Variants in POLR3G observed in about 807,000 individuals in gnomAD.
POLR3G encodes the protein DNA-directed RNA polymerase III subunit RPC7.
In POLR3G, 28 loss-of-function variants were observed where a neutral mutation model predicts 30.1. The observed-to-expected ratio is 0.93, with a 90% CI of 0.69 to 1.27. The LOEUF is 1.27. Among genes scored for constraint, POLR3G ranks in the 50% most tolerant of loss-of-function variants. POLR3G has a pLI of 0.00. For missense variants in POLR3G, 254 were observed against 264.6 expected (o/e 0.96, Z 0.28); for synonymous variants, 79 against 82.5 (o/e 0.96, Z 0.23).
At chr5:90,488,185 T>G in intron 3 of POLR3G, 56 bp downstream of exon 3, 1 of 1,367,502 alleles carries the variant, frequency 7.3e-7, no homozygotes, top group South Asian at 2.1e-5. Context: ...GAAACAGTGT[T>G]TAAGCACAAG....
chr5:90,495,946 A>AAT (rs915272854), intron 4 of POLR3G, among the ~76,000 whole-genome samples: 12 of 150,842 alleles, frequency 8.0e-5, no homozygotes, highest in African/African-American at 1.5e-4. Context: ...AAGTTCTTAA[A>AAT]ATATATATAT....
rs1462378261 is a variant in POLR3G, at chr5:90,501,972, T to C, written c.422T>C (p.Val141Ala). 3.7e-6 allele frequency: 6 copies of C among 1,612,530 alleles called. No homozygotes were observed. The highest frequency in any genetic ancestry group is 5.1e-6 in the Non-Finnish European group (6 of 1,179,222). The change falls in exon 6 of 8, where the codon GTG (valine) becomes GCG (alanine). Residue 141 changes from valine (V) to alanine (A), a missense_variant. Val to Ala is a moderately conservative substitution (Grantham distance 64). Coordinates refer to ENST00000651687, the MANE Select transcript of POLR3G (RefSeq NM_006467.3). ...KGTPLTNTEDVLKKMEELEKR... is the reference protein window; with the variant it reads ...KGTPLTNTEDALKKMEELEKR... Reference sequence around the variant, plus strand: ...ACACCACTCACTAATACTGAAGATGTGTTGAAAAAAATGGAGGTAAGGTTT... The same window carrying C: ...ACACCACTCACTAATACTGAAGATGCGTTGAAAAAAATGGAGGTAAGGTTT...
rs369052283 is a variant in POLR3G at position 90,512,101 on chromosome 5, G to A, written c.634G>A (p.Ala212Thr). ...CTTTGAAGATGGAGATGATTTTGGC[G>A]CAGACAGTGATGACAACATGGATGA... ...SYFEDGDDFGADSDDNMDEAT... is the reference protein window; with the variant it reads ...SYFEDGDDFGTDSDDNMDEAT... Residue 212 changes from alanine to threonine, a missense_variant, in exon 8 of 8, where the codon GCA (alanine) becomes ACA (threonine). By Grantham distance (58) the Ala-to-Thr change is moderately conservative (BLOSUM62 0). Coordinates refer to ENST00000651687, the MANE Select transcript of POLR3G (RefSeq NM_006467.3). 37 of 1,609,554 alleles carry A rather than the reference G, an allele frequency of 2.3e-5. No individual in the cohort carries two copies. Among genetic ancestry groups the A allele is most frequent in the African/African-American group, 5.3e-5 (4 of 74,914 alleles).
At chr5:90,474,456 G>C (rs941881676), upstream of POLR3G, 16 of 655,244 alleles carry the variant, frequency 2.4e-5, no homozygotes, top group Non-Finnish European at 4.2e-5. Context: ...AATAGGAGGA[G>C]GAAGGACGCA....
At position 90,486,239 on chromosome 5, in the gene POLR3G, T is replaced by C. The variant is rs966217502; in HGVS notation, c.117+555T>C. On this transcript the variant is annotated intron_variant, in intron 2 of 7. Transcript: ENST00000651687. ...TAGAATGTATCCAGGGATCTAGATGTATCACACAAGGAGTCTCTGCGTTTT... is the reference window on the plus strand; with the variant it reads ...TAGAATGTATCCAGGGATCTAGATGCATCACACAAGGAGTCTCTGCGTTTT... 7.2e-5 allele frequency among the ~76,000 whole-genome samples: 11 copies of C among 152,348 alleles called. 1 individual carries two copies. Among genetic ancestry groups the C allele is most frequent in the African/African-American group, 2.6e-4 (11 of 41,584 alleles).
At chr5:90,501,526 AGT>A (rs1434681096) in intron 5 of POLR3G, among the ~76,000 whole-genome samples, 1 of 152,226 alleles carries the variant, frequency 6.6e-6, no homozygotes, top group African/African-American at 2.4e-5. Context: ...TACACTTACC[AGT>A]GAAGGAGAAG....
chr5:90,491,531 G>GTT (rs548951758), intron 3 of POLR3G, among the ~76,000 whole-genome samples: 4 of 139,990 alleles, frequency 2.9e-5, no homozygotes, highest in Admixed American at 7.1e-5. Context: ...AATTTTTGAC[G>GTT]TTTTTTTTTT....
At chr5:90,504,349 A>G (rs1752388724) in intron 6 of POLR3G, among the ~76,000 whole-genome samples, 1 of 150,370 alleles carries the variant, frequency 6.7e-6, no homozygotes, top group African/African-American at 2.5e-5. Flanking sequence ...TCATGAGGTC[A>G]GGAGATCGAG....
chr5:90,499,933 C>T (rs976216787), intron 5 of POLR3G, among the ~76,000 whole-genome samples: 4 of 152,020 alleles, frequency 2.6e-5, no homozygotes, highest in Non-Finnish European at 5.9e-5. Flanking sequence ...TAATAAAATA[C>T]ATGTGCATGA....
At chr5:90,488,498 T>C (rs1751563122) in intron 3 of POLR3G, among the ~76,000 whole-genome samples, 1 of 152,152 alleles carries the variant, frequency 6.6e-6, no homozygotes, top group Admixed American at 6.5e-5. Context: ...CATTACTTTG[T>C]ATCTTCCTTT....
chr5:90,490,443 G>A (rs899083714), intron 3 of POLR3G: 2 of 171,308 alleles, frequency 1.2e-5, no homozygotes, highest in Admixed American at 6.0e-5. Context: ...TGTCACCCAG[G>A]CTGGAGTGCA....
intron 2 of POLR3G, 37 bp from the exon 3 acceptor site, chr5:90,487,963 T>C: frequency 6.7e-7 from 1 of 1,493,392 alleles, no homozygotes; most frequent in South Asian, 1.4e-5. Context: ...AATACATAAT[T>C]GATTTGAAAA....
chr5:90,476,665 C>T (rs1450311032), intron 1 of POLR3G, among the ~76,000 whole-genome samples: 8 of 152,168 alleles, frequency 5.3e-5, no homozygotes, highest in Admixed American at 5.2e-4. Context: ...GCTAGGCTTT[C>T]GTTAGTAATG....
chr5:90,477,186 A>G (rs956565995), intron 1 of POLR3G, among the ~76,000 whole-genome samples: 32 of 152,196 alleles, frequency 2.1e-4, no homozygotes, highest in Non-Finnish European at 1.2e-4. Flanking sequence ...AGAAATTGTC[A>G]TGGAGAAAGT....
intron 1 of POLR3G, among the ~76,000 whole-genome samples, chr5:90,482,022 G>A (rs1051052840): frequency 3.2e-4 from 48 of 152,148 alleles, no homozygotes; most frequent in Non-Finnish European, 3.7e-4. Flanking sequence ...GTGCATGTAA[G>A]TATAGTAAAT....
Position 90,497,508 on chromosome 5 carries a change from A to T in POLR3G, c.305-148A>T. ...TCTGTAATATTTGGATTTGGTTTTT[A>T]TATGTTTCAAGCTAAATTTGTAAAG... On this transcript the variant is annotated intron_variant, in intron 4 of 7. Coordinates refer to ENST00000651687, the MANE Select transcript of POLR3G (RefSeq NM_006467.3). 1 of 859,644 alleles carries T rather than the reference A, an allele frequency of 1.2e-6. No individual in the cohort carries two copies. Among genetic ancestry groups the T allele is most frequent in the Non-Finnish European group, 1.7e-6 (1 of 599,950 alleles). The allele number at this position is 859,644 out of a possible 1,614,324, so 53.3% of individuals were successfully genotyped here.
At chr5:90,504,728 C>T (rs2151913684) in intron 6 of POLR3G, among the ~76,000 whole-genome samples, 1 of 152,158 alleles carries the variant, frequency 6.6e-6, no homozygotes, top group East Asian at 1.9e-4. Context: ...GGTTGCAGGT[C>T]TTTTTACTGT....
Position 90,506,668 on chromosome 5 carries a change from A to G in POLR3G, c.579A>G (p.Gln193=). The change falls in exon 7 of 8, where the codon CAA becomes CAG. Residue 193 remains glutamine, a synonymous_variant. Transcript: ENST00000651687. The stretch of plus-strand genomic sequence containing the variant: ...AGGAGGAATATGATGAAGAAGAGCA[A>G]GAAGAGGTAATGGTTCATTTGGGGA... ...AEQEEYDEEE[Q]EEENDYINSY... 6.2e-7 allele frequency: 1 copy of G among 1,606,170 alleles called. No homozygotes were observed. The highest frequency in any genetic ancestry group is 8.5e-7 in the Non-Finnish European group (1 of 1,176,582).
At chr5:90,500,201 T>C (rs1396638464) in intron 5 of POLR3G, among the ~76,000 whole-genome samples, 1 of 152,174 alleles carries the variant, frequency 6.6e-6, no homozygotes, top group Non-Finnish European at 1.5e-5. Context: ...CTGATAAGCT[T>C]GTACTGTCCT....
Sources: gnomAD v4.1 joint callset for allele counts (sites outside exome capture counted in the v4.1 genomes callset) on GRCh38, gnomAD v4.1.1 for gene constraint, MANE v1.5 for transcripts, NCBI Gene and HGNC (gene_info 2026-07-23, HGNC 2026-07-21) for gene names.